ACAD8: variants seen among roughly 807,000 people sequenced by gnomAD.
ACAD8 encodes isobutyryl-CoA dehydrogenase, mitochondrial.
A neutral mutation model predicts 53.1 loss-of-function variants in ACAD8; 47 were observed. The ratio of observed to expected loss-of-function variants is 0.89; its 90% CI spans 0.70 to 1.13. The LOEUF (loss-of-function observed/expected upper bound fraction) is 1.13. Among genes scored for constraint, ACAD8 ranks in the 50% most tolerant of loss-of-function variants. ACAD8 has a pLI of 0.00. For synonymous variants in ACAD8, 198 were observed against 201.3 expected, an observed-to-expected ratio of 0.98 and a Z score of 0.14; for missense variants, 494 against 535.0, an observed-to-expected ratio of 0.92 and a Z score of 0.76.
In ACAD8 at chr11:134,261,714, G is replaced by C; in HGVS notation, c.940-24G>C. The C allele has an allele frequency of 6.2e-7, 1 of 1,612,458 alleles. No individual in the cohort carries two copies. Among genetic ancestry groups the C allele is most frequent in the South Asian group, 1.1e-5 (1 of 91,050 alleles). ...TGGTCTAAGCCCCTCAGTCTTGTCTGGTTCTCTGCTCCCTGTGCTGCAGTA... is the reference window on the plus strand; with the variant it reads ...TGGTCTAAGCCCCTCAGTCTTGTCTCGTTCTCTGCTCCCTGTGCTGCAGTA... On this transcript the variant is annotated intron_variant, in intron 8 of 10. Transcript: ENST00000281182. The surrounding 1 kb of genome is among the most constrained non-coding windows in gnomAD (Gnocchi z 4.2).
intron 10 of ACAD8, chr11:134,263,864 C>CT (rs1215136650): frequency 1.0e-6 from 1 of 985,254 alleles, no homozygotes; most frequent in African/African-American, 1.7e-5. Context: ...ACAGTTTATG[C>CT]TTTATTTGAG....
intron 1 of ACAD8, among the ~76,000 whole-genome samples, chr11:134,256,060 C>T (rs1283891364): frequency 6.6e-6 from 1 of 152,224 alleles, no homozygotes; most frequent in African/African-American, 2.4e-5. Flanking sequence ...GCATGCGCCA[C>T]CACACCCAGC....
chr11:134,259,878 ATT>A (rs912694856), intron 6 of ACAD8, 133 bp downstream of exon 6: 1 of 1,520,396 alleles, frequency 6.6e-7, no homozygotes, highest in African/African-American at 1.4e-5. Flanking sequence ...TTCTATTAGG[ATT>A]TTCAACAGGA....
At chr11:134,264,001 G>GTC (rs1257785101) in intron 10 of ACAD8, 1 of 985,154 alleles carries the variant, frequency 1.0e-6, no homozygotes, top group African/African-American at 1.7e-5. Flanking sequence ...TTGTAAGTCA[G>GTC]TTTTCTGATT....
intron 1 of ACAD8, among the ~76,000 whole-genome samples, chr11:134,254,098 C>CCTCG: frequency 6.6e-6 from 1 of 152,306 alleles, no homozygotes; most frequent in Middle Eastern, 3.4e-3. Flanking sequence ...GGCCGGTCAC[C>CCTCG]CTCGGATGCT....
intron 3 of ACAD8, 176 bp from the exon 4 acceptor site, chr11:134,258,339 A>G (rs1310400667): frequency 1.5e-6 from 1 of 654,470 alleles, no homozygotes; most frequent in Non-Finnish European, 2.8e-6. Context: ...TTCCAGGAAT[A>G]TGTTTTAATC....
chr11:134,259,618 G>T lies in ACAD8; in HGVS notation c.578G>T (p.Ser193Ile), dbSNP rs771419550. The T allele has an allele frequency of 6.2e-7, 1 of 1,614,186 alleles. No homozygotes were observed. The highest frequency in any genetic ancestry group is 1.3e-5 in the African/African-American group (1 of 75,046). The stretch of plus-strand genomic sequence containing the variant: ...CTTTTACCCCCACAGGCCTTCATCA[G>T]TGGTGCTGGTGAGTCAGACATCTAT... ...YILNGSKAFI[S>I]GAGESDIYVV... The change falls in exon 6 of 11, where the codon AGT becomes ATT. Residue 193 changes from serine (S) to isoleucine (I), a missense_variant. Transcript: ENST00000281182.
In ACAD8 at chr11:134,265,071, C is replaced by T. The variant is rs1311421596; in HGVS notation, c.*111C>T. 9.7e-6 allele frequency: 12 copies of T among 1,234,718 alleles called. No homozygotes were observed. Among genetic ancestry groups the T allele is most frequent in the Non-Finnish European group, 1.4e-5 (12 of 839,486 alleles). 76.5% of individuals were successfully genotyped at this position (1,234,718 alleles called of 1,614,324 possible). ...TCATGGATTAGACCCAAGGGCTGAG[C>T]TCCTCTAGGGCAGGACCTGCACCCT... On this transcript the variant is annotated 3_prime_UTR_variant, in exon 11 of 11. Transcript: ENST00000281182.
chr11:134,263,375 A>AGGGCATGGGAGCGCAGATT (rs1940014978), intron 10 of ACAD8: 1 of 988,262 alleles, frequency 1.0e-6, no homozygotes, highest in Admixed American at 5.9e-5. Flanking sequence ...AATCGCCTGG[A>AGGGCATGGGAGCGCAGATT]GGGCATGGGA....
intron 1 of ACAD8, among the ~76,000 whole-genome samples, chr11:134,256,097 G>T (rs1939511383): frequency 6.6e-6 from 1 of 152,174 alleles, no homozygotes; most frequent in Admixed American, 6.5e-5. Flanking sequence ...AGTAGAGGCG[G>T]GGTTTTTCCA....
At chr11:134,262,958 AG>A (rs1939986075) in intron 10 of ACAD8, 1 of 1,248,752 alleles carries the variant, frequency 8.0e-7, no homozygotes, top group African/African-American at 1.5e-5. Context: ...CGTGGTTCTC[AG>A]GGATCCAAGA....
At chr11:134,262,945 G>T (rs1939985041) in intron 10 of ACAD8, 1 of 1,268,158 alleles carries the variant, frequency 7.9e-7, no homozygotes, top group South Asian at 1.3e-5. Flanking sequence ...AGGTTATCGA[G>T]TACGTGGTTC....
intron 6 of ACAD8, chr11:134,260,251 C>A: frequency 1.9e-6 from 2 of 1,032,398 alleles, no homozygotes; most frequent in South Asian, 2.9e-5. Flanking sequence ...GGATTAAGAG[C>A]CGCCATGGCC....
At chr11:134,253,831 G>T in intron 1 of ACAD8, 122 bp downstream of exon 1, 1 of 1,076,584 alleles carries the variant, frequency 9.3e-7, no homozygotes, top group South Asian at 1.3e-5. Flanking sequence ...CTTCCGGCCA[G>T]TCACCCCCCC....
At chr11:134,259,125 C>T (rs1285291080) in intron 5 of ACAD8, 41 bp downstream of exon 5, 2 of 1,567,196 alleles carry the variant, frequency 1.3e-6, no homozygotes, top group East Asian at 2.2e-5. Context: ...GGAGATTGTT[C>T]CCAGCTTCCT....
intron 4 of ACAD8, 172 bp downstream of exon 4, chr11:134,258,796 A>G (rs947147708): frequency 6.8e-6 from 5 of 732,322 alleles, no homozygotes; most frequent in Non-Finnish European, 1.2e-5. Context: ...CAAGAAGCCT[A>G]TCTGGTGTGT....
At chr11:134,258,829 C>A in intron 4 of ACAD8, 179 bp from the exon 5 acceptor site, 1 of 740,416 alleles carries the variant, frequency 1.4e-6, no homozygotes, top group Non-Finnish European at 2.4e-6. Flanking sequence ...AGTGGCCTGA[C>A]TGGTATGAGC....
rs1412029365 is a variant in ACAD8, at chr11:134,262,612, G to A, written c.1185G>A (p.Gln395=). The change falls in exon 10 of 11, where the codon CAG becomes CAA. Residue 395 remains glutamine, a synonymous_variant. Transcript: ENST00000281182. The part of the protein sequence containing the change: ...QQYVRDSRVH[Q]ILEGSNEVMR... ...ACGTGCGGGACTCCAGGGTCCACCA[G>A]ATTCTAGAAGGTAAAAATTGCCAGA... 1 of 1,613,534 alleles carries A rather than the reference G, an allele frequency of 6.2e-7. No individual in the cohort carries two copies. Among genetic ancestry groups the A allele is most frequent in the African/African-American group, 1.3e-5 (1 of 74,940 alleles).
intron 6 of ACAD8, chr11:134,260,281 T>A: frequency 1.3e-6 from 1 of 787,950 alleles, no homozygotes; most frequent in Non-Finnish European, 1.6e-6. Context: ...ACAGGAGACT[T>A]GTGATCATGT....
Sources: gnomAD v4.1 joint callset for allele counts (sites outside exome capture counted in the v4.1 genomes callset) on GRCh38, gnomAD v4.1.1 for gene constraint, Gnocchi (gnomAD v3.1) non-coding constraint, MANE v1.5 for transcripts, NCBI Gene and HGNC (gene_info 2026-07-23, HGNC 2026-07-21) for gene names.